HMGXB4: variants seen among roughly 807,000 people sequenced by gnomAD.
HMGXB4 encodes HMG-box containing 4, also known as HMG domain-containing protein 4.
A neutral mutation model predicts 63.9 loss-of-function variants in HMGXB4; 27 were observed. The ratio of observed to expected loss-of-function variants is 0.42; its 90% confidence interval spans 0.31 to 0.58. The LOEUF (loss-of-function observed/expected upper bound fraction) is 0.58, where lower values mean the gene tolerates loss of function less well. HMGXB4 is among the 20% of genes least tolerant of loss of function. The pLI is 0.13. For missense variants in HMGXB4, 624 were observed against 700.7 expected (o/e 0.89, Z 1.24); for synonymous variants, 264 against 265.3 (o/e 0.99, Z 0.05).
the HMGXB4 span, among the ~76,000 whole-genome samples, chr22:35,243,140 G>A: frequency 6.6e-6 from 1 of 152,182 alleles, no homozygotes; most frequent in Non-Finnish European, 1.5e-5. Flanking sequence ...GGATGCCAAG[G>A]CGGGTGGATC....
intron 9 of HMGXB4, among the ~76,000 whole-genome samples, chr22:35,290,746 A>G (rs1218994731): frequency 4.0e-5 from 6 of 151,558 alleles, no homozygotes; most frequent in African/African-American, 1.2e-4. Flanking sequence ...CTGCAATTTT[A>G]TAATTTCCAC....
chr22:35,265,487 C>A lies in HMGXB4; in HGVS notation c.1099C>A (p.Pro367Thr). The A allele has an allele frequency of 6.2e-7, 1 of 1,613,884 alleles. No homozygotes were observed. Among genetic ancestry groups the A allele is most frequent in the Non-Finnish European group, 8.5e-7 (1 of 1,179,964 alleles). ...GACATCTGGCCCTCCTCCCAGCATC[C>A]CATACGCTGGAGCAGCAGCACCTCC... ...TVTSGPPPSI[P>T]YAGAAAPPLP... The change falls in exon 5 of 11, where the codon CCA becomes ACA. Residue 367 changes from proline (P) to threonine (T), a missense_variant. By Grantham distance (38) the Pro-to-Thr change is conservative. Around this residue, in one of 2 missense-constraint regions of HMGXB4, gnomAD observed 472 missense variants for 470.6 expected, o/e 1.00. Coordinates refer to ENST00000216106, the MANE Select transcript of HMGXB4 (RefSeq NM_001003681.3).
In HMGXB4 at chr22:35,265,530, T is replaced by G; in HGVS notation, c.1142T>G (p.Leu381Arg). The G allele has an allele frequency of 6.2e-7, 1 of 1,611,254 alleles. No homozygotes were observed. The highest frequency in any genetic ancestry group is 8.5e-7 in the Non-Finnish European group (1 of 1,179,468). Residue 381 changes from leucine to arginine, a missense_variant, in exon 5 of 11, where the codon CTC becomes CGC. Around this residue, in one of 2 missense-constraint regions of HMGXB4, gnomAD observed 472 missense variants for 470.6 expected, o/e 1.00. Transcript: ENST00000216106. ...AAAPPLPLPG[L>R]HTDGHSEKKK... ...GCACCTCCCCTGCCACTTCCTGGCC[T>G]CCACACAGATGGGCATAGTGAAAAA... is the stretch of plus-strand genomic sequence containing the variant.
At chr22:35,283,704 C>T (rs1367383228) in intron 5 of HMGXB4, among the ~76,000 whole-genome samples, 1 of 152,140 alleles carries the variant, frequency 6.6e-6, no homozygotes, top group Non-Finnish European at 1.5e-5. Flanking sequence ...GCAGGAGAAT[C>T]GCTTGAACCC....
At chr22:35,255,259 A>T (rs1922341859), upstream of HMGXB4, among the ~76,000 whole-genome samples, 1 of 152,070 alleles carries the variant, frequency 6.6e-6, no homozygotes, top group Non-Finnish European at 1.5e-5. Flanking sequence ...GCACTCTGGG[A>T]GGCCAAGGCA....
At chr22:35,247,163 T>C in the HMGXB4 span, among the ~76,000 whole-genome samples, 1 of 152,228 alleles carries the variant, frequency 6.6e-6, no homozygotes, top group African/African-American at 2.4e-5. Flanking sequence ...TTTGTATTCC[T>C]ATAGACTGTC....
upstream of HMGXB4, among the ~76,000 whole-genome samples, chr22:35,255,190 A>G (rs1167446461): frequency 6.6e-6 from 1 of 152,176 alleles, no homozygotes; most frequent in Non-Finnish European, 1.5e-5. Context: ...TTGCCAAAGC[A>G]AAAGGGAAAA....
At chr22:35,272,870 G>A (rs1002120350) in intron 5 of HMGXB4, among the ~76,000 whole-genome samples, 1 of 152,198 alleles carries the variant, frequency 6.6e-6, no homozygotes, top group African/African-American at 2.4e-5. Flanking sequence ...GGAGGCGGAG[G>A]TTGCAGTGAG....
chr22:35,245,597 T>C, the HMGXB4 span, among the ~76,000 whole-genome samples: 1 of 152,184 alleles, frequency 6.6e-6, no homozygotes, highest in Admixed American at 6.5e-5. Context: ...CTTGGTAGGA[T>C]GAGTGCCTTT....
intron 1 of HMGXB4, among the ~76,000 whole-genome samples, chr22:35,260,262 A>G (rs1243761179): frequency 1.3e-5 from 2 of 152,230 alleles, no homozygotes; most frequent in African/African-American, 4.8e-5. Context: ...CATGCACAGA[A>G]AGTGTTTAAT....
rs543538435 is a variant in HMGXB4 at position 35,264,246 on chromosome 22, A to G, written c.259+372A>G. On this transcript the variant is annotated intron_variant, in intron 4 of 10. Transcript: ENST00000216106. ...ACTCACAGAACCAGTTTTCTTAGCT[A>G]TGTTATGCACATAGCTGATGAGACT... 179 of 482,878 alleles carry G rather than the reference A, an allele frequency of 3.7e-4. 1 individual carries two copies. Among genetic ancestry groups the G allele is most frequent in the African/African-American group, 1.8e-3 (90 of 51,370 alleles). 29.9% of individuals were successfully genotyped at this position (482,878 alleles called of 1,614,324 possible). A position where few individuals can be genotyped will look rare whatever the true frequency, so the allele number is the denominator to read the frequency against.
chr22:35,244,797 C>T, the HMGXB4 span, among the ~76,000 whole-genome samples: 1 of 152,182 alleles, frequency 6.6e-6, no homozygotes, highest in South Asian at 2.1e-4. Flanking sequence ...AGGGTAAACA[C>T]GTCAGGCATC....
rs1380372430 is a variant in HMGXB4 at position 35,295,596 on chromosome 22, T to G, written c.*1945T>G. ...GCCCTATTGTATTTGTATTTAAAAT[T>G]TGTACACATTTGTATAATAATCTGT... On this transcript the variant is annotated 3_prime_UTR_variant, in exon 11 of 11. Transcript: ENST00000216106. 6.5e-6 allele frequency: 1 copy of G among 152,672 alleles called. No homozygotes were observed. The highest frequency in any genetic ancestry group is 1.9e-4 in the East Asian group (1 of 5,208). 9.5% of individuals were successfully genotyped at this position (152,672 alleles called of 1,614,324 possible).
chr22:35,274,051 A>C (rs1923758549), intron 5 of HMGXB4, among the ~76,000 whole-genome samples: 1 of 152,230 alleles, frequency 6.6e-6, no homozygotes, highest in South Asian at 2.1e-4. Flanking sequence ...GTAAGGACAC[A>C]AAGATGAAGA....
chr22:35,271,967 A>G (rs1218876751), intron 5 of HMGXB4, among the ~76,000 whole-genome samples: 3 of 152,238 alleles, frequency 2.0e-5, no homozygotes, highest in East Asian at 1.9e-4. Context: ...TGCTCAGCAC[A>G]TTAGTGAGCA....
chr22:35,276,554 A>G (rs1045004847), intron 5 of HMGXB4, among the ~76,000 whole-genome samples: 3 of 152,090 alleles, frequency 2.0e-5, no homozygotes, highest in Non-Finnish European at 4.4e-5. Flanking sequence ...ACCCCGCCAA[A>G]TGGCCACGAG....
chr22:35,262,542 C>A, intron 2 of HMGXB4, 121 bp downstream of exon 2: 1 of 1,031,434 alleles, frequency 9.7e-7, no homozygotes, highest in Non-Finnish European at 1.5e-6. Context: ...TGGTCCAGAG[C>A]ACTGTTATGA....
chr22:35,292,843 A>C lies in HMGXB4; in HGVS notation c.1639-149A>C, dbSNP rs1056433378. On this transcript the variant is annotated intron_variant, in intron 9 of 10. Coordinates refer to ENST00000216106, the MANE Select transcript of HMGXB4 (RefSeq NM_001003681.3). ...AAAGTTTTCTTTCTAAACAACTTAC[A>C]GAGTTATCAAAGTAAACTTTCCATT... The C allele has an allele frequency of 5.7e-6, 5 of 870,956 alleles. No homozygotes were observed. The Admixed American group carries it at 8.4e-5, about 15-fold the overall frequency. 54.0% of individuals were successfully genotyped at this position (870,956 alleles called of 1,614,324 possible). A position where few individuals can be genotyped will look rare whatever the true frequency, so the allele number is the denominator to read the frequency against.
At chr22:35,253,229 T>G (rs1922263276), upstream of HMGXB4, among the ~76,000 whole-genome samples, 1 of 151,538 alleles carries the variant, frequency 6.6e-6, no homozygotes, top group South Asian at 2.1e-4. Flanking sequence ...GACTTCGAAG[T>G]GGGGAAGGGG....
Sources: gnomAD v4.1 joint callset for allele counts (sites outside exome capture counted in the v4.1 genomes callset) on GRCh38, gnomAD v4.1.1 for gene constraint, gnomAD v4.1.1 regional missense constraint, MANE v1.5 for transcripts, NCBI Gene and HGNC (gene_info 2026-07-23, HGNC 2026-07-21) for gene names.